The following LNX1 variants were observed in gnomAD, a reference collection of about 807,000 sequenced individuals.
The protein encoded by LNX1 is ligand of numb-protein X 1.
In LNX1, 54 loss-of-function variants were observed where a neutral mutation model predicts 68.4. The ratio of observed to expected loss-of-function variants is 0.79; its 90% CI spans 0.63 to 0.99. The LOEUF is 0.99. Ranked by LOEUF, LNX1 falls within the 50% of genes least tolerant of loss-of-function variation. The pLI is 0.00. For synonymous variants in LNX1, 336 were observed against 350.0 expected (o/e 0.96, Z 0.45); for missense variants, 906 against 926.4 (o/e 0.98, Z 0.29).
At chr4:53,506,961 T>A (rs1725937376) in intron 4 of LNX1, among the ~76,000 whole-genome samples, 1 of 150,584 alleles carries the variant, frequency 6.6e-6, no homozygotes, top group Non-Finnish European at 1.5e-5. Flanking sequence ...ACACCTCAAA[T>A]GTAGTTGAAA....
chr4:53,575,999 C>A, intron 1 of LNX1: 1 of 1,562,298 alleles, frequency 6.4e-7, no homozygotes. Context: ...CTCCAGCAGG[C>A]CCTCCATCTT....
At chr4:53,540,802 G>A (rs914140015) in intron 2 of LNX1, among the ~76,000 whole-genome samples, 1 of 152,154 alleles carries the variant, frequency 6.6e-6, no homozygotes, top group Non-Finnish European at 1.5e-5. Context: ...TCAAACATTT[G>A]TCTTTAGTAA....
At chr4:53,598,072 G>A (rs1228369901) in intron 2 of LNX1, among the ~76,000 whole-genome samples, 1 of 152,138 alleles carries the variant, frequency 6.6e-6, no homozygotes, top group African/African-American at 2.4e-5. Flanking sequence ...TTGGTTATGG[G>A]CAGACTTGAG....
intron 9 of LNX1, among the ~76,000 whole-genome samples, chr4:53,465,164 T>C (rs988122071): frequency 2.7e-4 from 41 of 152,190 alleles, no homozygotes; most frequent in Admixed American, 1.3e-3. Flanking sequence ...AGTAAAAATA[T>C]TGAATATAAT....
intron 1 of LNX1, among the ~76,000 whole-genome samples, chr4:53,581,531 A>C (rs1320438440): frequency 6.6e-6 from 1 of 152,236 alleles, no homozygotes; most frequent in Non-Finnish European, 1.5e-5. Context: ...TCACAGTTCC[A>C]TATGACTGAG....
intron 3 of LNX1, among the ~76,000 whole-genome samples, chr4:53,507,697 A>C (rs1220148221): frequency 6.6e-6 from 1 of 152,180 alleles, no homozygotes; most frequent in Non-Finnish European, 1.5e-5. Flanking sequence ...TGAATACAAT[A>C]CCACTTTTCT....
chr4:53,565,214 G>C (rs1051136238), intron 2 of LNX1, among the ~76,000 whole-genome samples: 1 of 152,134 alleles, frequency 6.6e-6, no homozygotes, highest in Non-Finnish European at 1.5e-5. Context: ...CAAACAAAAA[G>C]ACAGCAGTAA....
chr4:53,510,956 C>G (rs1026036714), intron 2 of LNX1, among the ~76,000 whole-genome samples: 4 of 152,198 alleles, frequency 2.6e-5, no homozygotes, highest in African/African-American at 9.7e-5. Flanking sequence ...ATCTGAATCC[C>G]AAGATTATGC....
chr4:53,559,695 T>G (rs1730145039), intron 2 of LNX1, among the ~76,000 whole-genome samples: 1 of 152,090 alleles, frequency 6.6e-6, no homozygotes, highest in South Asian at 2.1e-4. Context: ...TCACCCAGGC[T>G]GTAGTGCTGT....
At chr4:53,583,431 G>A (rs530099681) in intron 1 of LNX1, among the ~76,000 whole-genome samples, 1 of 152,296 alleles carries the variant, frequency 6.6e-6, no homozygotes, top group East Asian at 1.9e-4. Flanking sequence ...CGCCAAGGTC[G>A]TGGTTAGCTC....
chr4:53,464,376 GACTAAT>G (rs1056467204), intron 9 of LNX1, among the ~76,000 whole-genome samples: 6 of 136,206 alleles, frequency 4.4e-5, no homozygotes, highest in African/African-American at 1.4e-4. Flanking sequence ...GTTTATTGTA[GACTAAT>G]ACTTTATCGT....
At chr4:53,624,290 G>A (rs530442890) in intron 1 of LNX1, among the ~76,000 whole-genome samples, 1 of 152,260 alleles carries the variant, frequency 6.6e-6, no homozygotes, top group Admixed American at 6.5e-5. Context: ...TAGTGGAAGG[G>A]ATCTGGTGGG....
At position 53,573,970 on chromosome 4, in the gene LNX1, T is replaced by A; in HGVS notation, c.33A>T (p.Glu11Asp). 1 of 1,612,990 alleles carries A rather than the reference T, an allele frequency of 6.2e-7. No individual in the cohort carries two copies. Among genetic ancestry groups the A allele is most frequent in the East Asian group, 2.2e-5 (1 of 44,852 alleles). Residue 11 changes from glutamate (E) to aspartate (D), a missense_variant, in exon 2 of 11, where the codon GAA (glutamate) becomes GAT (aspartate). Transcript: ENST00000263925. Reference protein sequence around the residue: MNQPESANDPEPLCAVCGQAH... With the variant: MNQPESANDPDPLCAVCGQAH... ...CTTGGCCACACACTGCACACAGGGG[T>A]TCAGGATCGTTGGCAGACTCTGGCT...
At chr4:53,462,853 T>C (rs1239816858) in intron 9 of LNX1, among the ~76,000 whole-genome samples, 1 of 152,176 alleles carries the variant, frequency 6.6e-6, no homozygotes, top group Non-Finnish European at 1.5e-5. Flanking sequence ...CATTTCACAG[T>C]AAACCTTGAT....
At chr4:53,465,489 A>AAGTT (rs537902362) in intron 9 of LNX1, among the ~76,000 whole-genome samples, 54 of 152,308 alleles carry the variant, frequency 3.5e-4, no homozygotes, top group Non-Finnish European at 4.9e-4. Flanking sequence ...GCACTGTATT[A>AAGTT]AGTTACATTC....
At position 53,464,960 on chromosome 4, in the gene LNX1, A is replaced by G. The variant is rs867764852; in HGVS notation, c.1893-3367T>C. ...TCTGAAAATCAGAACATTCTATAAAATCTGTAAGATGTTTGATGATAACTT... is the reference window on the plus strand; with the variant it reads ...TCTGAAAATCAGAACATTCTATAAAGTCTGTAAGATGTTTGATGATAACTT... On this transcript the variant is annotated intron_variant, in intron 9 of 10. Transcript: ENST00000263925. 3.3e-5 allele frequency among the ~76,000 whole-genome samples: 5 copies of G among 152,204 alleles called. No individual in the cohort carries two copies. In the Middle Eastern group the frequency reaches 0.01, roughly 311 times the overall value.
chr4:53,492,541 G>GAGAGAGAGAGAGAGAGAC (rs1287595399), intron 6 of LNX1, among the ~76,000 whole-genome samples: 1 of 151,524 alleles, frequency 6.6e-6, no homozygotes, highest in East Asian at 1.9e-4. Flanking sequence ...GAGAGAGAGA[G>GAGAGAGAGAGAGAGAGAC]AGTGGCATCC....
chr4:53,495,514 T>C (rs1724984967), intron 6 of LNX1, among the ~76,000 whole-genome samples: 1 of 149,894 alleles, frequency 6.7e-6, no homozygotes, highest in Admixed American at 6.7e-5. Context: ...AGACTTACTC[T>C]GTCCATAGGA....
intron 2 of LNX1, among the ~76,000 whole-genome samples, chr4:53,510,912 G>T (rs1175379003): frequency 6.6e-6 from 1 of 152,214 alleles, no homozygotes; most frequent in African/African-American, 2.4e-5. Context: ...TTTCTCTGCT[G>T]CCCCATCAAT....
Sources: gnomAD v4.1 joint callset for allele counts (sites outside exome capture counted in the v4.1 genomes callset) on GRCh38, gnomAD v4.1.1 for gene constraint, MANE v1.5 for transcripts, NCBI Gene and HGNC (gene_info 2026-07-23, HGNC 2026-07-21) for gene names.